METRNL: variants seen among roughly 807,000 people sequenced by gnomAD.
METRNL encodes the protein meteorin like, glial cell differentiation regulator.
In METRNL, 9 loss-of-function variants were observed where a neutral mutation model predicts 17.4. The observed-to-expected ratio is 0.52, with a 90% CI of 0.31 to 0.90. METRNL has a LOEUF of 0.90. METRNL is among the 40% of genes least tolerant of loss of function. METRNL has a pLI of 0.05. For missense variants in METRNL, 408 were observed against 430.7 expected (o/e 0.95, Z 0.47); for synonymous variants, 215 against 199.3 (o/e 1.08, Z -0.66).
At chr17:83,086,917 G>T (rs555313091) in intron 2 of METRNL, among the ~76,000 whole-genome samples, 199 of 152,294 alleles carry the variant, frequency 1.3e-3, no homozygotes, top group Non-Finnish European at 1.1e-3. Context: ...CCTGCCTCTG[G>T]GGGTGGGGTC....
chr17:83,092,011 G>A (rs1015964361), intron 2 of METRNL, among the ~76,000 whole-genome samples: 8 of 152,236 alleles, frequency 5.3e-5, no homozygotes, highest in Non-Finnish European at 1.2e-4. Context: ...GGGGCGAAGG[G>A]CAGGGCGAGG....
At chr17:83,088,992 GGCTTGTGGAGAGGAAGGGTGTGGCCCCC>G (rs2038084294) in intron 2 of METRNL, among the ~76,000 whole-genome samples, 1 of 152,118 alleles carries the variant, frequency 6.6e-6, no homozygotes, top group South Asian at 2.1e-4. Context: ...ACCATCTCTG[GGCTTGTGGAGAGGAAGGGTGTGGCCCCC>G]GCCAGCTTCC....
At chr17:83,093,921 G>A (rs560741725) in intron 3 of METRNL, among the ~76,000 whole-genome samples, 4 of 152,338 alleles carry the variant, frequency 2.6e-5, no homozygotes, top group African/African-American at 9.6e-5. Flanking sequence ...ACCCTCTCCT[G>A]TGAGCTGCAC....
chr17:83,091,055 G>A (rs1010150102), intron 2 of METRNL, among the ~76,000 whole-genome samples: 26 of 152,156 alleles, frequency 1.7e-4, no homozygotes, highest in Admixed American at 3.3e-4. Context: ...GGAGGCCCCC[G>A]TGGTGGGGGC....
chr17:83,090,078 C>CG (rs1419582632), intron 2 of METRNL, among the ~76,000 whole-genome samples: 4 of 151,894 alleles, frequency 2.6e-5, no homozygotes, highest in African/African-American at 9.7e-5. Flanking sequence ...GCCCAGGCCC[C>CG]GGGGTGGGAC....
At chr17:83,092,125 G>A (rs538826095) in intron 2 of METRNL, among the ~76,000 whole-genome samples, 1 of 152,330 alleles carries the variant, frequency 6.6e-6, no homozygotes, top group African/African-American at 2.4e-5. Context: ...GGGAGGCCAG[G>A]CCCCGCAGGG....
intron 2 of METRNL, among the ~76,000 whole-genome samples, chr17:83,090,859 C>T (rs572447605): frequency 2.5e-4 from 38 of 152,122 alleles, no homozygotes; most frequent in African/African-American, 2.7e-4. Context: ...TGCTTCCGGA[C>T]GTGAGTGGTG....
Position 83,079,880 on chromosome 17 carries a change from C to G in METRNL, c.65C>G (p.Pro22Arg). The change falls in exon 1 of 4, where the codon CCG becomes CGG. Residue 22 changes from proline (P) to arginine (R), a missense_variant. Transcript: ENST00000320095. Reference sequence around the variant, plus strand: ...CAGCCGTGGCCGCGACCCCCCGCCCCGGGCCCGCCCCCGCCGCCGCTCCCG... The same window carrying G: ...CAGCCGTGGCCGCGACCCCCCGCCCGGGGCCCGCCCCCGCCGCCGCTCCCG... Reference protein sequence around the residue: ...AGQPWPRPPAPGPPPPPLPLL... With the variant: ...AGQPWPRPPARGPPPPPLPLL... 2.0e-6 allele frequency: 2 copies of G among 979,400 alleles called. No individual in the cohort carries two copies. Among genetic ancestry groups the G allele is most frequent in the Non-Finnish European group, 2.4e-6 (2 of 825,954 alleles). The allele number at this position is 979,400 out of a possible 1,614,324, so 60.7% of individuals were successfully genotyped here.
intron 2 of METRNL, among the ~76,000 whole-genome samples, chr17:83,088,867 C>A (rs966003585): frequency 5.3e-5 from 8 of 152,166 alleles, no homozygotes; most frequent in African/African-American, 1.4e-4. Context: ...AGATAATTCT[C>A]ATTATTTCCT....
intron 2 of METRNL, among the ~76,000 whole-genome samples, chr17:83,088,143 C>T (rs1400222476): frequency 6.6e-6 from 1 of 152,196 alleles, no homozygotes; most frequent in Non-Finnish European, 1.5e-5. Context: ...TGGGATTTGG[C>T]TGACTACGGG....
Position 83,079,722 on chromosome 17 carries a change from C to T in METRNL, c.-94C>T. 1 of 507,270 alleles carries T rather than the reference C, an allele frequency of 2.0e-6. No homozygotes were observed. The highest frequency in any genetic ancestry group is 2.5e-6 in the Non-Finnish European group (1 of 397,150). 31.4% of individuals were successfully genotyped at this position (507,270 alleles called of 1,614,324 possible). A position where few individuals can be genotyped will look rare whatever the true frequency, so the allele number is the denominator to read the frequency against. On this transcript the variant is annotated 5_prime_UTR_variant, in exon 1 of 4. Transcript: ENST00000320095. ...GGCGCGCGACGTGACCACCCGGACTCGAAGCCCGCCCCGCCCCCGCCCGGC... is the reference window on the plus strand; with the variant it reads ...GGCGCGCGACGTGACCACCCGGACTTGAAGCCCGCCCCGCCCCCGCCCGGC...
rs1474010370 is a variant in METRNL at position 83,094,827 on chromosome 17, G to T, written c.*252G>T. Reference sequence around the variant, plus strand: ...TATTATATTTTTTTTTGGTAAAAAAGAAATGTCCATAGGAAACAAATTCCC... The same window carrying T: ...TATTATATTTTTTTTTGGTAAAAAATAAATGTCCATAGGAAACAAATTCCC... On this transcript the variant is annotated 3_prime_UTR_variant, in exon 4 of 4. Transcript: ENST00000320095. 1 of 386,814 alleles carries T rather than the reference G, an allele frequency of 2.6e-6. No homozygotes were observed. The highest frequency in any genetic ancestry group is 4.5e-5 in the Admixed American group (1 of 22,298). The allele number at this position is 386,814 out of a possible 1,614,324, so 24.0% of individuals were successfully genotyped here.
intron 2 of METRNL, among the ~76,000 whole-genome samples, chr17:83,091,085 C>G (rs148650224): frequency 4.6e-5 from 7 of 152,112 alleles, no homozygotes; most frequent in African/African-American, 1.4e-4. Context: ...AGTCTGTACA[C>G]ATCAGCAGGA....
At chr17:83,082,681 C>T (rs572009126) in intron 1 of METRNL, among the ~76,000 whole-genome samples, 1 of 152,346 alleles carries the variant, frequency 6.6e-6, no homozygotes, top group East Asian at 1.9e-4. Context: ...TTTGCATAAA[C>T]AGACTCTGTT....
chr17:83,083,907 C>T (rs533609635), intron 1 of METRNL, among the ~76,000 whole-genome samples: 3 of 152,200 alleles, frequency 2.0e-5, no homozygotes, highest in African/African-American at 4.8e-5. Flanking sequence ...TTGAAGTCAC[C>T]GGGTTAGTTC....
At chr17:83,082,560 G>A (rs1282528079) in intron 1 of METRNL, among the ~76,000 whole-genome samples, 1 of 152,220 alleles carries the variant, frequency 6.6e-6, no homozygotes, top group African/African-American at 2.4e-5. Flanking sequence ...TTGTCTGCAC[G>A]CTTCAGTTTT....
At chr17:83,084,794 C>T (rs528140230) in intron 1 of METRNL, 144 bp from the exon 2 acceptor site, 110 of 1,044,392 alleles carry the variant, frequency 1.1e-4, no homozygotes, top group Middle Eastern at 3.2e-4. Context: ...GGCAGGGGTC[C>T]GTGTGGCACC....
intron 1 of METRNL, among the ~76,000 whole-genome samples, chr17:83,082,838 T>A (rs1042774981): frequency 6.6e-6 from 1 of 152,174 alleles, no homozygotes; most frequent in African/African-American, 2.4e-5. Context: ...TTTAACTTTT[T>A]TTGTCTACAC....
chr17:83,087,467 C>T (rs1296975764), intron 2 of METRNL, among the ~76,000 whole-genome samples: 2 of 152,144 alleles, frequency 1.3e-5, no homozygotes, highest in African/African-American at 2.4e-5. Context: ...AGGGCCCTCA[C>T]GAGAGGCCTC....
Sources: gnomAD v4.1 joint callset for allele counts (sites outside exome capture counted in the v4.1 genomes callset) on GRCh38, gnomAD v4.1.1 for gene constraint, MANE v1.5 for transcripts, NCBI Gene and HGNC (gene_info 2026-07-23, HGNC 2026-07-21) for gene names.